The following RBFOX1 variants were observed in gnomAD, a reference collection of about 807,000 sequenced individuals.
RBFOX1 encodes the protein RNA binding fox-1 homolog 1.
Under a neutral mutation model 57.7 loss-of-function variants are expected in RBFOX1, and 8 were observed. That is an observed-to-expected ratio of 0.14 (90% confidence interval 0.08 to 0.25). The LOEUF (loss-of-function observed/expected upper bound fraction) is 0.25. Ranked by LOEUF, RBFOX1 falls within the 10% of genes least tolerant of loss-of-function variation. The pLI is 1.00. For missense variants in RBFOX1, 611 were observed against 548.5 expected (o/e 1.11, Z -1.14); for synonymous variants, 326 against 222.4 (o/e 1.47, Z -4.15).
intron 3 of RBFOX1, among the ~76,000 whole-genome samples, chr16:6,976,961 A>T (rs1159284735): frequency 2.0e-5 from 3 of 147,336 alleles, no homozygotes; most frequent in African/African-American, 7.4e-5. Flanking sequence ...CATATATATT[A>T]AATATCCTAT....
At chr16:5,385,233 T>G (rs371181292) in intron 1 of RBFOX1, among the ~76,000 whole-genome samples, 4 of 152,170 alleles carry the variant, frequency 2.6e-5, no homozygotes, top group African/African-American at 9.6e-5. Flanking sequence ...AGGCCAGGAT[T>G]AAAAGCTAGA....
intron 14 of RBFOX1, among the ~76,000 whole-genome samples, chr16:7,705,879 A>G (rs892959557): frequency 1.3e-5 from 2 of 152,184 alleles, no homozygotes; most frequent in Admixed American, 1.3e-4. Flanking sequence ...TTACTGATGG[A>G]TGGGAAGTGG....
rs116885694 is a variant in RBFOX1 at position 7,479,115 on chromosome 16, G to T, written c.28-39032G>T. Among the ~76,000 whole-genome samples, 900 of 144,356 alleles carry T rather than the reference G, an allele frequency of 6.2e-3. 6 individuals carry two copies. Among genetic ancestry groups the T allele is most frequent in the African/African-American group, 0.013 (502 of 39,456 alleles). 94.7% of individuals were successfully genotyped at this position (144,356 alleles called of 152,430 possible). ...GGGAAGTGGATCAAAACCCAGTTTT[G>T]TTTTTTTTTTTTTAATTTTAATTTT... On this transcript the variant is annotated intron_variant, in intron 4 of 15. Transcript: ENST00000550418.
At chr16:7,327,785 A>G (rs146008862) in intron 4 of RBFOX1, among the ~76,000 whole-genome samples, 1 of 150,568 alleles carries the variant, frequency 6.6e-6, no homozygotes, top group East Asian at 1.9e-4. Flanking sequence ...TAGATTTTAT[A>G]TGAGATGCCC....
intron 2 of RBFOX1, among the ~76,000 whole-genome samples, chr16:6,553,473 G>C (rs1259146714): frequency 6.6e-6 from 1 of 152,096 alleles, no homozygotes; most frequent in Non-Finnish European, 1.5e-5. Flanking sequence ...GGAAATACTT[G>C]GTGGAAATTG....
intron 2 of RBFOX1, among the ~76,000 whole-genome samples, chr16:6,563,237 C>T (rs565038327): frequency 6.6e-6 from 1 of 152,274 alleles, no homozygotes; most frequent in East Asian, 1.9e-4. Flanking sequence ...ATTTTAGCAT[C>T]CTGTGCAACA....
At chr16:6,866,224 C>A (rs1180384705) in intron 3 of RBFOX1, among the ~76,000 whole-genome samples, 2 of 152,004 alleles carry the variant, frequency 1.3e-5, no homozygotes, top group Non-Finnish European at 2.9e-5. Flanking sequence ...GTCTTCTCAT[C>A]ATTTTTTAAG....
At chr16:7,596,520 T>C (rs565652217) in intron 8 of RBFOX1, among the ~76,000 whole-genome samples, 1 of 152,264 alleles carries the variant, frequency 6.6e-6, no homozygotes, top group Admixed American at 6.5e-5. Flanking sequence ...CTGGCGATGG[T>C]GGTGAATGGT....
chr16:6,947,665 T>G (rs897443121), intron 3 of RBFOX1, among the ~76,000 whole-genome samples: 1 of 152,222 alleles, frequency 6.6e-6, no homozygotes, highest in Non-Finnish European at 1.5e-5. Context: ...TATCGTTATC[T>G]CCTTGGGAAA....
At chr16:6,808,815 C>G (rs146369403) in intron 3 of RBFOX1, among the ~76,000 whole-genome samples, 3 of 152,236 alleles carry the variant, frequency 2.0e-5, no homozygotes, top group East Asian at 1.9e-4. Flanking sequence ...CATACAATAT[C>G]TCTAATTCAT....
At chr16:6,465,594 A>G (rs2095029210) in intron 2 of RBFOX1, among the ~76,000 whole-genome samples, 1 of 134,816 alleles carries the variant, frequency 7.4e-6, no homozygotes, top group South Asian at 2.5e-4. Flanking sequence ...ATAGATGTAT[A>G]GGGCTGTGTG....
At chr16:7,257,053 A>G (rs374628296) in intron 4 of RBFOX1, among the ~76,000 whole-genome samples, 22 of 152,052 alleles carry the variant, frequency 1.4e-4, no homozygotes, top group African/African-American at 4.8e-4. Context: ...GATGCTGTAT[A>G]ATTTCATTTC....
chr16:5,516,861 G>A (rs1464775105), intron 2 of RBFOX1, among the ~76,000 whole-genome samples: 1 of 152,136 alleles, frequency 6.6e-6, no homozygotes, highest in Non-Finnish European at 1.5e-5. Context: ...ATGATTGTAA[G>A]TTTCCTGCAG....
At chr16:6,907,017 C>G (rs759609767) in intron 3 of RBFOX1, among the ~76,000 whole-genome samples, 1 of 152,088 alleles carries the variant, frequency 6.6e-6, no homozygotes, top group Non-Finnish European at 1.5e-5. Flanking sequence ...AGCCACCGCA[C>G]CCAGCTTGCA....
chr16:6,206,580 A>C (rs1297780610), intron 1 of RBFOX1, among the ~76,000 whole-genome samples: 1 of 152,160 alleles, frequency 6.6e-6, no homozygotes, highest in Non-Finnish European at 1.5e-5. Flanking sequence ...ATGTTTGTTG[A>C]ATATATTAAA....
At chr16:5,880,969 A>C (rs1254948232) in intron 4 of RBFOX1, among the ~76,000 whole-genome samples, 1 of 152,258 alleles carries the variant, frequency 6.6e-6, no homozygotes, top group East Asian at 1.9e-4. Flanking sequence ...GACAATTATA[A>C]TGTAATGTGA....
intron 2 of RBFOX1, among the ~76,000 whole-genome samples, chr16:6,569,604 T>C (rs181051471): frequency 6.6e-6 from 1 of 152,278 alleles, no homozygotes. Context: ...CGTGGAGAAA[T>C]CTACTTTTCT....
intron 1 of RBFOX1, among the ~76,000 whole-genome samples, chr16:5,275,189 C>T (rs966591227): frequency 2.6e-5 from 4 of 152,126 alleles, no homozygotes; most frequent in African/African-American, 9.7e-5. Flanking sequence ...AATAATTGTA[C>T]ATATTTATGG....
Position 7,231,648 on chromosome 16 carries a change from CAATA to C in RBFOX1, c.27+179554_27+179557del, listed in dbSNP as rs1463991240. ...AAGCAAAGACAACCCAAATGCCTATCAATAAATTTATCAATAAATAAATGGATGA... is the reference window on the plus strand; with the variant it reads ...AAGCAAAGACAACCCAAATGCCTATCAATTTATCAATAAATAAATGGATGA... On this transcript the variant is annotated intron_variant, in intron 4 of 15. Transcript: ENST00000550418. Among the ~76,000 whole-genome samples, 17 of 152,226 alleles carry C rather than the reference CAATA, an allele frequency of 1.1e-4. No individual in the cohort carries two copies. The East Asian group carries it at 3.3e-3, about 29-fold the overall frequency.
Sources: allele counts gnomAD v4.1 joint callset (sites outside exome capture counted in the v4.1 genomes callset), GRCh38; gene constraint gnomAD v4.1.1; transcripts MANE v1.5; gene names NCBI Gene and HGNC (gene_info 2026-07-23, HGNC 2026-07-21).